The following CSMD3 variants were observed in gnomAD, a reference collection of about 807,000 sequenced individuals.
CSMD3 encodes the protein CUB and Sushi multiple domains 3.
In CSMD3, 177 loss-of-function variants were observed where a neutral mutation model predicts 435.2. The ratio of observed to expected loss-of-function variants is 0.41; its 90% CI spans 0.36 to 0.46. CSMD3 has a LOEUF of 0.46. Ranked by LOEUF, CSMD3 falls within the 20% of genes least tolerant of loss-of-function variation. CSMD3 has a pLI of 0.34. For synonymous variants in CSMD3, 1,656 were observed against 1,520.5 expected, an observed-to-expected ratio of 1.09 and a Z score of -2.07; for missense variants, 4,265 against 4,504.6, an observed-to-expected ratio of 0.95 and a Z score of 1.52.
intron 3 of CSMD3, among the ~76,000 whole-genome samples, chr8:113,226,539 T>C (rs577690035): frequency 6.6e-6 from 1 of 151,698 alleles, no homozygotes; most frequent in South Asian, 2.1e-4. Context: ...CTTGGTTCGT[T>C]TTTCTGGCCA....
intron 31 of CSMD3, among the ~76,000 whole-genome samples, chr8:112,479,149 G>A (rs150897891): frequency 3.5e-4 from 53 of 152,320 alleles, no homozygotes; most frequent in African/African-American, 1.2e-3. Flanking sequence ...ACACATCAGC[G>A]TGGCCCAGTG....
At chr8:113,286,063 A>G (rs558273278) in intron 2 of CSMD3, among the ~76,000 whole-genome samples, 1 of 151,834 alleles carries the variant, frequency 6.6e-6, no homozygotes, top group Non-Finnish European at 1.5e-5. Context: ...ATGGTTTCTA[A>G]TTGATAATCT....
intron 3 of CSMD3, among the ~76,000 whole-genome samples, chr8:113,179,494 A>C (rs562798627): frequency 9.9e-5 from 15 of 151,902 alleles, no homozygotes; most frequent in Non-Finnish European, 2.1e-4. Context: ...TCATAAAGGA[A>C]ATCCAAGGTC....
At chr8:113,223,791 G>A (rs2092996643) in intron 3 of CSMD3, among the ~76,000 whole-genome samples, 1 of 147,984 alleles carries the variant, frequency 6.8e-6, no homozygotes, top group Non-Finnish European at 1.5e-5. Context: ...TGTCGGTAAA[G>A]TATTCATGTA....
chr8:112,942,095 C>G (rs529456097), intron 9 of CSMD3, among the ~76,000 whole-genome samples: 1 of 151,396 alleles, frequency 6.6e-6, no homozygotes, highest in Non-Finnish European at 1.5e-5. Context: ...TGCACCCTCT[C>G]TTCATCCCTC....
In CSMD3 at chr8:112,905,310, A is replaced by ATG. The variant is rs1208302269; in HGVS notation, c.1633+16316_1633+16317insCA. Among the ~76,000 whole-genome samples the ATG allele has an allele frequency of 1.4e-4, 7 of 48,814 alleles. 1 individual carries two copies. Among genetic ancestry groups the ATG allele is most frequent in the African/African-American group, 1.0e-3 (7 of 6,856 alleles). The allele number at this position is 48,814 out of a possible 152,430, so 32.0% of individuals were successfully genotyped here. On this transcript the variant is annotated intron_variant, in intron 10 of 70. Transcript: ENST00000297405. ...TTTATTAAACATATACTATGTGTAT[A>ATG]TATATATATATACACACACACACAC... is the stretch of plus-strand genomic sequence containing the variant.
At chr8:113,408,585 A>G (rs2094543409) in intron 1 of CSMD3, among the ~76,000 whole-genome samples, 1 of 152,184 alleles carries the variant, frequency 6.6e-6, no homozygotes, top group Non-Finnish European at 1.5e-5. Context: ...ACTAAGATAT[A>G]AATAATAAAA....
rs1224000563 is a variant in CSMD3 at position 113,039,454 on chromosome 8, A to G, written c.918-20275T>C. On this transcript the variant is annotated intron_variant, in intron 5 of 70. Transcript: ENST00000297405. ...GCTTATGAAGATATATTCACAACAG[A>G]CACAATTTACATACACCCTTGCATA... Among the ~76,000 whole-genome samples the G allele has an allele frequency of 7.9e-5, 12 of 152,314 alleles. No homozygotes were observed. In the East Asian group the frequency reaches 2.3e-3, roughly 29 times the overall value.
chr8:112,876,887 G>C (rs553819399), intron 10 of CSMD3, among the ~76,000 whole-genome samples: 2 of 152,272 alleles, frequency 1.3e-5, no homozygotes, highest in African/African-American at 4.8e-5. Context: ...AACTCTTTAA[G>C]CTGATAAGCA....
intron 32 of CSMD3, among the ~76,000 whole-genome samples, chr8:112,453,651 T>C (rs945788173): frequency 1.3e-5 from 2 of 152,124 alleles, no homozygotes; most frequent in Non-Finnish European, 2.9e-5. Flanking sequence ...TGCTCATAGA[T>C]TGGAAGGGTC....
chr8:112,368,209 G>A (rs1827973317), intron 38 of CSMD3, among the ~76,000 whole-genome samples: 1 of 152,074 alleles, frequency 6.6e-6, no homozygotes, highest in Admixed American at 6.6e-5. Context: ...CTTTTGATGA[G>A]GTTTTCCCTG....
At chr8:112,484,035 C>G (rs2130810442) in intron 31 of CSMD3, among the ~76,000 whole-genome samples, 1 of 152,284 alleles carries the variant, frequency 6.6e-6, no homozygotes, top group Non-Finnish European at 1.5e-5. Flanking sequence ...AACTCTTTAT[C>G]TTCTAGAAGC....
chr8:113,103,678 T>A (rs1175055689), intron 4 of CSMD3, among the ~76,000 whole-genome samples: 1 of 151,998 alleles, frequency 6.6e-6, no homozygotes, highest in Non-Finnish European at 1.5e-5. Context: ...GTTTAAAATA[T>A]TATAATATAA....
chr8:112,874,906 A>G (rs914575557), intron 10 of CSMD3, among the ~76,000 whole-genome samples: 1 of 152,116 alleles, frequency 6.6e-6, no homozygotes, highest in African/African-American at 2.4e-5. Context: ...TGGGGCACTC[A>G]GCCAGTTTAC....
intron 1 of CSMD3, among the ~76,000 whole-genome samples, chr8:113,403,449 A>G (rs2094519119): frequency 6.6e-6 from 1 of 151,378 alleles, no homozygotes; most frequent in Non-Finnish European, 1.5e-5. Context: ...TGTTGTTAAA[A>G]TGCAGAAATT....
intron 3 of CSMD3, among the ~76,000 whole-genome samples, chr8:113,253,837 GAAAAA>G (rs1158610148): frequency 7.9e-6 from 1 of 126,414 alleles, no homozygotes; most frequent in Non-Finnish European, 1.8e-5. Context: ...GACTCCGTCT[GAAAAA>G]AAAAAAAAAA....
intron 32 of CSMD3, among the ~76,000 whole-genome samples, chr8:112,421,830 A>T (rs188273144): frequency 1.2e-3 from 175 of 151,966 alleles, no homozygotes; most frequent in Admixed American, 3.9e-3. Context: ...GTATAATATT[A>T]ACTAGTTATC....
At chr8:112,918,593 A>G (rs890856489) in intron 10 of CSMD3, among the ~76,000 whole-genome samples, 7 of 151,992 alleles carry the variant, frequency 4.6e-5, no homozygotes, top group Non-Finnish European at 7.4e-5. Context: ...ACTTTTTGCA[A>G]AAGCTCCAGC....
rs984994176 is a variant in CSMD3 at position 113,234,482 on chromosome 8, CT to C, written c.514+44109del. Among the ~76,000 whole-genome samples the C allele has an allele frequency of 1.4e-4, 22 of 152,188 alleles. 1 individual carries two copies. The highest frequency in any genetic ancestry group is 1.4e-3 in the Admixed American group (21 of 15,254). ...GCTAAGTGCCAGTCTCTATAAGTTT[CT>C]GCATTGACATTTCTGCTAGGCTGGA... On this transcript the variant is annotated intron_variant, in intron 3 of 70. Coordinates refer to ENST00000297405, the MANE Select transcript of CSMD3 (RefSeq NM_198123.2).
Sources: gnomAD v4.1 joint callset for allele counts (sites outside exome capture counted in the v4.1 genomes callset) on GRCh38, gnomAD v4.1.1 for gene constraint, MANE v1.5 for transcripts, NCBI Gene and HGNC (gene_info 2026-07-23, HGNC 2026-07-21) for gene names.